Variants in KCNB2 observed in about 807,000 individuals in gnomAD.
The protein encoded by KCNB2 is delayed rectifier potassium channel protein.
In KCNB2, 15 loss-of-function variants were observed where a neutral mutation model predicts 61.5. The observed-to-expected ratio is 0.24, with a 90% CI of 0.16 to 0.38. The LOEUF (loss-of-function observed/expected upper bound fraction) is 0.38. Ranked by LOEUF, KCNB2 falls within the 10% of genes least tolerant of loss-of-function variation. The probability of loss-of-function intolerance (pLI) is 1.00; values close to 1 mark genes in which losing one functional copy is unlikely to be tolerated. For missense variants in KCNB2, 828 were observed against 1,125.2 expected, an observed-to-expected ratio of 0.74 and a Z score of 3.78; for synonymous variants, 457 against 446.0, an observed-to-expected ratio of 1.02 and a Z score of -0.31.
At chr8:72,587,900 G>A (rs566732448) in intron 2 of KCNB2, among the ~76,000 whole-genome samples, 144 of 152,306 alleles carry the variant, frequency 9.5e-4, no homozygotes, top group Admixed American at 2.0e-3. Context: ...TCCATGAGCT[G>A]CAGCCAGAGT....
intron 2 of KCNB2, among the ~76,000 whole-genome samples, chr8:72,778,774 A>C: frequency 7.1e-6 from 1 of 139,890 alleles, no homozygotes; most frequent in Admixed American, 7.1e-5. Flanking sequence ...GAAAGAAAGA[A>C]AGAAAAAGAA....
chr8:72,926,343 A>G (rs1806648613), intron 2 of KCNB2, among the ~76,000 whole-genome samples: 1 of 152,246 alleles, frequency 6.6e-6, no homozygotes, highest in Non-Finnish European at 1.5e-5. Context: ...TATTTTTTCC[A>G]GAACACATAA....
intron 2 of KCNB2, among the ~76,000 whole-genome samples, chr8:72,864,902 G>A (rs567736349): frequency 1.1e-4 from 17 of 152,132 alleles, no homozygotes; most frequent in African/African-American, 3.1e-4. Context: ...AAGTGGGTGC[G>A]AGAAGGAATC....
chr8:72,817,886 A>G (rs1809428837), intron 2 of KCNB2, among the ~76,000 whole-genome samples: 1 of 152,178 alleles, frequency 6.6e-6, no homozygotes, highest in Non-Finnish European at 1.5e-5. Context: ...TAAACTAATA[A>G]CATTAAATAA....
intron 2 of KCNB2, among the ~76,000 whole-genome samples, chr8:72,839,059 TA>T (rs1217860085): frequency 1.3e-5 from 2 of 152,150 alleles, no homozygotes; most frequent in Non-Finnish European, 2.9e-5. Context: ...ATAATAATAG[TA>T]AAAATCACCC....
At chr8:72,617,074 CT>C (rs1805630997) in intron 2 of KCNB2, among the ~76,000 whole-genome samples, 1 of 152,176 alleles carries the variant, frequency 6.6e-6, no homozygotes, top group African/African-American at 2.4e-5. Context: ...GAAATAGTGA[CT>C]GAATAATAAA....
rs78607907 is a variant in KCNB2 at position 72,773,050 on chromosome 8, A to T, written c.580-162885A>T. Reference sequence around the variant, plus strand: ...CCCTGCCCAGTAGGGGGAATTTTTCATAATAATCCTCCTCTTTAGTCCATC... The same window carrying T: ...CCCTGCCCAGTAGGGGGAATTTTTCTTAATAATCCTCCTCTTTAGTCCATC... On this transcript the variant is annotated intron_variant, in intron 2 of 2. Transcript: ENST00000523207. 1.9e-3 allele frequency among the ~76,000 whole-genome samples: 289 copies of T among 152,316 alleles called. 1 individual carries two copies. The highest frequency in any genetic ancestry group is 6.5e-3 in the African/African-American group (272 of 41,572).
chr8:72,791,383 C>T (rs1349451999), intron 2 of KCNB2, among the ~76,000 whole-genome samples: 1 of 151,968 alleles, frequency 6.6e-6, no homozygotes, highest in East Asian at 1.9e-4. Flanking sequence ...GACCCTATCT[C>T]TACAAAAAAT....
chr8:72,780,696 T>C (rs961462684), intron 2 of KCNB2, among the ~76,000 whole-genome samples: 3 of 152,206 alleles, frequency 2.0e-5, no homozygotes, highest in Non-Finnish European at 2.9e-5. Flanking sequence ...TGTGCATGTA[T>C]CTTTATAACA....
At chr8:72,718,763 T>G (rs1480687009) in intron 2 of KCNB2, among the ~76,000 whole-genome samples, 1 of 151,978 alleles carries the variant, frequency 6.6e-6, no homozygotes, top group Non-Finnish European at 1.5e-5. Flanking sequence ...TATATACATA[T>G]GTAACAAACC....
rs1188259618 is a variant in KCNB2, at chr8:72,907,399, C to T, written c.580-28536C>T. On this transcript the variant is annotated intron_variant, in intron 2 of 2. Coordinates refer to ENST00000523207, the MANE Select transcript of KCNB2 (RefSeq NM_004770.3). ...ACAAAAACAAAAAACCACACTCACACGCACACACAACTATTTAAAAGTAGA... is the reference window on the plus strand; with the variant it reads ...ACAAAAACAAAAAACCACACTCACATGCACACACAACTATTTAAAAGTAGA... 3.3e-5 allele frequency among the ~76,000 whole-genome samples: 5 copies of T among 151,742 alleles called. No individual in the cohort carries two copies. In the East Asian group the frequency reaches 5.8e-4, roughly 18 times the overall value.
chr8:72,890,756 C>T (rs1230118760), intron 2 of KCNB2, among the ~76,000 whole-genome samples: 1 of 152,158 alleles, frequency 6.6e-6, no homozygotes, highest in Non-Finnish European at 1.5e-5. Flanking sequence ...CCACCCCAGA[C>T]CTCAAAGTCC....
intron 2 of KCNB2, among the ~76,000 whole-genome samples, chr8:72,797,640 G>A (rs1172057508): frequency 6.6e-6 from 1 of 152,230 alleles, no homozygotes; most frequent in Non-Finnish European, 1.5e-5. Context: ...GCCAGGTTTA[G>A]AGCATTTTCT....
chr8:72,552,303 G>A (rs1285821125), intron 1 of KCNB2, among the ~76,000 whole-genome samples: 1 of 152,184 alleles, frequency 6.6e-6, no homozygotes, highest in African/African-American at 2.4e-5. Flanking sequence ...TCACAGGAAA[G>A]TTGTCTAGAC....
chr8:72,800,742 C>T (rs988567155), intron 2 of KCNB2, among the ~76,000 whole-genome samples: 7 of 152,060 alleles, frequency 4.6e-5, no homozygotes, highest in African/African-American at 9.7e-5. Flanking sequence ...AATTGGCTGC[C>T]GTTGTGTTTA....
chr8:72,894,065 T>G (rs1805945889), intron 2 of KCNB2, among the ~76,000 whole-genome samples: 1 of 152,126 alleles, frequency 6.6e-6, no homozygotes, highest in South Asian at 2.1e-4. Context: ...AGTCTCAAAG[T>G]GATAAATACT....
At chr8:72,540,360 G>A (rs904661989) in intron 1 of KCNB2, among the ~76,000 whole-genome samples, 2 of 152,136 alleles carry the variant, frequency 1.3e-5, no homozygotes, top group African/African-American at 2.4e-5. Flanking sequence ...ATTTCAAAAT[G>A]TAATTGTTTA....
intron 2 of KCNB2, among the ~76,000 whole-genome samples, chr8:72,692,911 A>C (rs1348543390): frequency 6.6e-6 from 1 of 151,682 alleles, no homozygotes; most frequent in Non-Finnish European, 1.5e-5. Context: ...GTCTTTGAAA[A>C]ATTTTAAGTC....
intron 2 of KCNB2, among the ~76,000 whole-genome samples, chr8:72,864,088 C>A (rs1398797930): frequency 1.3e-5 from 2 of 152,160 alleles, no homozygotes; most frequent in African/African-American, 4.8e-5. Context: ...ATTTCTCAAA[C>A]CAAACTCCAG....
Sources: allele counts gnomAD v4.1 joint callset (sites outside exome capture counted in the v4.1 genomes callset), GRCh38; gene constraint gnomAD v4.1.1; transcripts MANE v1.5; gene names NCBI Gene and HGNC (gene_info 2026-07-23, HGNC 2026-07-21).